The following KLF17 variants were observed in gnomAD, a reference collection of about 807,000 sequenced individuals.
KLF17 encodes Krueppel-like factor 17.
KLF17 carries 31 observed loss-of-function variants against 34.2 expected under a neutral mutation model. That is an observed-to-expected ratio of 0.91 (90% CI 0.68 to 1.22). The LOEUF is 1.22. Among genes scored for constraint, KLF17 ranks in the 50% most tolerant of loss-of-function variants. KLF17 has a pLI of 0.00. For synonymous variants in KLF17, 179 were observed against 186.7 expected (o/e 0.96, Z 0.34); for missense variants, 478 against 505.2 (o/e 0.95, Z 0.52).
intron 1 of KLF17, chr1:44,122,298 T>C (rs2087955868): frequency 1.2e-6 from 2 of 1,601,152 alleles, no homozygotes; most frequent in Middle Eastern, 1.7e-4. Context: ...AGGTAAACTG[T>C]CTAGTAGAAT....
chr1:44,068,850 G>A, the KLF17 span, among the ~76,000 whole-genome samples: 5 of 152,150 alleles, frequency 3.3e-5, no homozygotes, highest in Admixed American at 6.5e-5. Flanking sequence ...AGTAAAAATA[G>A]TTTGTCCCCT....
the KLF17 span, among the ~76,000 whole-genome samples, chr1:44,081,222 TA>T: frequency 0.018 from 1,921 of 107,832 alleles, 8 homozygotes; most frequent in African/African-American, 0.039. Flanking sequence ...CAAGATCCTG[TA>T]AAAAAAAAAA....
chr1:44,076,455 A>G, the KLF17 span: 1 of 152,262 alleles, frequency 6.6e-6, no homozygotes, highest in African/African-American at 2.4e-5. Flanking sequence ...TCCCAAAGAA[A>G]GCATTACCAC....
intron 1 of KLF17, among the ~76,000 whole-genome samples, chr1:44,127,212 C>T (rs1202394775): frequency 6.6e-6 from 1 of 152,026 alleles, no homozygotes. Flanking sequence ...CCTAGCAATA[C>T]TAACTTATTT....
chr1:44,104,228 C>G, the KLF17 span: 2 of 1,166,276 alleles, frequency 1.7e-6, no homozygotes, highest in East Asian at 4.7e-5. Flanking sequence ...GCTTATTGAT[C>G]TCATCCTCGT....
the KLF17 span, among the ~76,000 whole-genome samples, chr1:44,087,571 T>C: frequency 1.3e-5 from 2 of 151,098 alleles, no homozygotes; most frequent in African/African-American, 4.9e-5. Context: ...ACTATTTTCT[T>C]CTAATTTTAG....
chr1:44,075,006 T>C, the KLF17 span: 4 of 152,192 alleles, frequency 2.6e-5, no homozygotes, highest in Non-Finnish European at 5.9e-5. Flanking sequence ...AGAGGAATTA[T>C]CAAGGTGGGG....
At chr1:44,122,045 T>C in intron 1 of KLF17, 1 of 740,444 alleles carries the variant, frequency 1.4e-6, no homozygotes, top group East Asian at 2.7e-5. Context: ...TTTCCTTTTT[T>C]CATTTTTTTG....
chr1:44,059,635 C>G, the KLF17 span, among the ~76,000 whole-genome samples: 1 of 152,182 alleles, frequency 6.6e-6, no homozygotes, highest in African/African-American at 2.4e-5. Context: ...CCTGATTCCC[C>G]TCCGATTCCA....
At chr1:44,086,430 C>A in the KLF17 span, among the ~76,000 whole-genome samples, 1 of 152,000 alleles carries the variant, frequency 6.6e-6, no homozygotes, top group Non-Finnish European at 1.5e-5. Flanking sequence ...CGCGCCATTG[C>A]GCTCCAGCCT....
chr1:44,070,031 C>G, the KLF17 span: 4 of 152,214 alleles, frequency 2.6e-5, no homozygotes, highest in Admixed American at 6.5e-5. Context: ...GCATTCCCCC[C>G]ACCTTTGACC....
the KLF17 span, among the ~76,000 whole-genome samples, chr1:44,101,168 C>T: frequency 2.0e-5 from 3 of 152,082 alleles, no homozygotes. Flanking sequence ...AACCTTTTAC[C>T]ACATTTGCTC....
At chr1:44,071,195 G>A in the KLF17 span, among the ~76,000 whole-genome samples, 1 of 152,098 alleles carries the variant, frequency 6.6e-6, no homozygotes, top group Non-Finnish European at 1.5e-5. Flanking sequence ...CAGCTCTCCT[G>A]GTTCCCTTCC....
the KLF17 span, among the ~76,000 whole-genome samples, chr1:44,049,517 C>T: frequency 6.6e-6 from 1 of 152,244 alleles, no homozygotes. Flanking sequence ...AGGTCTCACT[C>T]TGTCACCCAG....
chr1:44,108,458 A>G, the KLF17 span, among the ~76,000 whole-genome samples: 1 of 151,944 alleles, frequency 6.6e-6, no homozygotes, highest in African/African-American at 2.4e-5. Flanking sequence ...TAGCCTGCCC[A>G]TGAATGCAGG....
At chr1:44,048,755 G>C in the KLF17 span, among the ~76,000 whole-genome samples, 1 of 152,074 alleles carries the variant, frequency 6.6e-6, no homozygotes, top group African/African-American at 2.4e-5. Context: ...CTTAATTTTT[G>C]AACACAGTAA....
chr1:44,094,345 T>G, the KLF17 span, among the ~76,000 whole-genome samples: 1 of 152,224 alleles, frequency 6.6e-6, no homozygotes, highest in South Asian at 2.1e-4. Context: ...GCTTTTTAGC[T>G]TGATGTGATC....
At chr1:44,081,528 G>T in the KLF17 span, among the ~76,000 whole-genome samples, 1 of 149,920 alleles carries the variant, frequency 6.7e-6, no homozygotes. Context: ...CAATTCTCTT[G>T]CCTCAACCTC....
the KLF17 span, among the ~76,000 whole-genome samples, chr1:44,084,930 A>ATT: frequency 5.8e-3 from 768 of 132,982 alleles, 6 homozygotes; most frequent in African/African-American, 0.021. Context: ...AAAAATTAGA[A>ATT]AAAAAAAAAA....
Sources: allele counts gnomAD v4.1 joint callset (sites outside exome capture counted in the v4.1 genomes callset), GRCh38; gene constraint gnomAD v4.1.1; transcripts MANE v1.5; gene names NCBI Gene and HGNC (gene_info 2026-07-23, HGNC 2026-07-21).